The following KCTD2 variants were observed in gnomAD, a reference collection of about 807,000 sequenced individuals.
KCTD2 encodes the protein potassium channel tetramerization domain containing 2, also known as BTB/POZ domain-containing protein KCTD2.
In KCTD2, 18 loss-of-function variants were observed where a neutral mutation model predicts 27.9. That is an observed-to-expected ratio of 0.64 (90% CI 0.45 to 0.96). The LOEUF is 0.96. KCTD2 is among the 40% of genes least tolerant of loss of function. The pLI is 0.00. For missense variants in KCTD2, 280 were observed against 348.0 expected, an observed-to-expected ratio of 0.80 and a Z score of 1.56; for synonymous variants, 175 against 148.4, an observed-to-expected ratio of 1.18 and a Z score of -1.30.
intron 3 of KCTD2, among the ~76,000 whole-genome samples, chr17:75,035,568 C>T (rs1311384160): frequency 7.2e-6 from 1 of 138,706 alleles, no homozygotes. Context: ...CGCCTGTAAT[C>T]CCAACACTTT....
chr17:75,045,790 C>A (rs1364569803), upstream of KCTD2, among the ~76,000 whole-genome samples: 2 of 152,034 alleles, frequency 1.3e-5, no homozygotes, highest in African/African-American at 4.8e-5. Context: ...GGTCCTGGAA[C>A]GATATACATC....
At chr17:75,051,543 C>T (rs1220082160) in intron 2 of KCTD2, among the ~76,000 whole-genome samples, 1 of 151,080 alleles carries the variant, frequency 6.6e-6, no homozygotes. Flanking sequence ...CTTGGCCTCC[C>T]GAAATGCTGC....
At position 75,065,487 on chromosome 17, in the gene KCTD2, T is replaced by C. The variant is rs1234464487; in HGVS notation, c.*2440T>C. 1.3e-5 allele frequency: 2 copies of C among 152,466 alleles called. No individual in the cohort carries two copies. The allele number at this position is 152,466 out of a possible 1,614,324, so 9.4% of individuals were successfully genotyped here. ...TGCCAAGTGGGGAGGGTCCTGCCTT[T>C]TTCTCTGCCCCAGGTCTGGGACGCA... On this transcript the variant is annotated 3_prime_UTR_variant, in exon 6 of 6. Transcript: ENST00000322444.
intron 2 of KCTD2, among the ~76,000 whole-genome samples, chr17:75,052,647 C>G (rs780990418): frequency 5.9e-5 from 9 of 152,210 alleles, no homozygotes; most frequent in Non-Finnish European, 1.3e-4. Flanking sequence ...CTCTTGAACC[C>G]AGCAGGCGGA....
chr17:75,042,410 G>C, upstream of KCTD2: 2 of 1,506,466 alleles, frequency 1.3e-6, no homozygotes. Flanking sequence ...TCATGAAAAT[G>C]CAAGGATTTC....
rs1478410232 is a variant in KCTD2 at position 75,047,243 on chromosome 17, G to A, written c.-8G>A. The A allele has an allele frequency of 1.1e-6, 1 of 933,806 alleles. No homozygotes were observed. 57.8% of individuals were successfully genotyped at this position (933,806 alleles called of 1,614,324 possible). On this transcript the variant is annotated 5_prime_UTR_variant, in exon 1 of 6. Coordinates refer to ENST00000322444, the MANE Select transcript of KCTD2 (RefSeq NM_015353.3). The stretch of plus-strand genomic sequence containing the variant: ...CGCGGGCAGCAGCGGTGGCGGCGGC[G>A]GTCCAAGATGGCGGAACTGCAGCTG...
Position 75,059,555 on chromosome 17 carries a change from G to A in KCTD2, c.586G>A (p.Glu196Lys). ...VYRVLQCQEE[E>K]LTQMVSTMSD... is the part of the protein sequence containing the mutation. The stretch of plus-strand genomic sequence containing the variant: ...CAGAGTCCTGCAGTGTCAGGAAGAA[G>A]AGCTCACGCAGATGGTGTCCACGAT... Residue 196 changes from glutamate to lysine, a missense_variant, in exon 4 of 6, where the codon GAG (glutamate) becomes AAG (lysine). Coordinates refer to ENST00000322444, the MANE Select transcript of KCTD2 (RefSeq NM_015353.3). The A allele has an allele frequency of 1.2e-6, 2 of 1,614,180 alleles. No individual in the cohort carries two copies. The highest frequency in any genetic ancestry group is 1.7e-6 in the Non-Finnish European group (2 of 1,180,018).
At chr17:75,047,046 T>G (rs1054480745), upstream of KCTD2, 3 of 254,158 alleles carry the variant, frequency 1.2e-5, no homozygotes, top group African/African-American at 6.9e-5. Flanking sequence ...GATCAGCCAA[T>G]AGAGATGAGG....
intron 2 of KCTD2, 29 bp from the exon 3 acceptor site, chr17:75,052,985 A>C: frequency 6.4e-7 from 1 of 1,572,024 alleles, no homozygotes; most frequent in Non-Finnish European, 8.8e-7. Flanking sequence ...CCTCGCACCT[A>C]TCTGACTGCA....
At chr17:75,037,899 A>G (rs2073119447) in intron 3 of KCTD2, among the ~76,000 whole-genome samples, 1 of 151,620 alleles carries the variant, frequency 6.6e-6, no homozygotes, top group Admixed American at 6.6e-5. Context: ...AATAAAACAA[A>G]TTAGCCGGGC....
At chr17:75,041,458 A>C (rs1227416714) in intron 3 of KCTD2, 3 of 151,594 alleles carry the variant, frequency 2.0e-5, no homozygotes, top group East Asian at 1.9e-4. Context: ...AAAAAAAAAA[A>C]AAAAACAAAA....
At chr17:75,041,015 A>G (rs2073154484) in intron 3 of KCTD2, 1 of 152,280 alleles carries the variant, frequency 6.6e-6, no homozygotes, top group African/African-American at 2.4e-5. Context: ...ACTTGTGTAA[A>G]TATCAGAGGA....
chr17:75,037,326 A>C (rs1193280217), intron 3 of KCTD2, among the ~76,000 whole-genome samples: 1 of 150,600 alleles, frequency 6.6e-6, no homozygotes, highest in Non-Finnish European at 1.5e-5. Flanking sequence ...CCTGGGCGAC[A>C]AAGCAAGATT....
At chr17:75,057,233 C>T (rs761035012) in intron 3 of KCTD2, among the ~76,000 whole-genome samples, 10 of 152,060 alleles carry the variant, frequency 6.6e-5, no homozygotes, top group African/African-American at 1.7e-4. Flanking sequence ...GGATTACAGG[C>T]GTGAGCAACC....
chr17:75,035,163 G>A (rs1429402468), intron 2 of KCTD2: 3 of 152,104 alleles, frequency 2.0e-5, no homozygotes, highest in African/African-American at 2.4e-5. Context: ...AGAAGATTGA[G>A]GGTTCGAGTC....
chr17:75,042,128 C>G, intron 3 of KCTD2: 2 of 1,490,666 alleles, frequency 1.3e-6, no homozygotes, highest in African/African-American at 1.4e-5. Flanking sequence ...TGTTCCTGCT[C>G]CCTACCCACA....
chr17:75,052,191 G>C (rs951799077), intron 2 of KCTD2, among the ~76,000 whole-genome samples: 3 of 152,190 alleles, frequency 2.0e-5, no homozygotes, highest in African/African-American at 7.2e-5. Context: ...ACATACCCTG[G>C]CGTTTGACTA....
chr17:75,052,035 T>C (rs191654751), intron 2 of KCTD2, among the ~76,000 whole-genome samples: 7 of 152,190 alleles, frequency 4.6e-5, no homozygotes, highest in East Asian at 3.9e-4. Context: ...CCCAGTCCTT[T>C]TGAGGGCAGA....
chr17:75,033,809 C>G (rs1453597871), intron 1 of KCTD2, among the ~76,000 whole-genome samples: 1 of 152,214 alleles, frequency 6.6e-6, no homozygotes, highest in Non-Finnish European at 1.5e-5. Flanking sequence ...GCGGCAGGGA[C>G]GGACCCACTC....
Sources: allele counts gnomAD v4.1 joint callset (sites outside exome capture counted in the v4.1 genomes callset), GRCh38; gene constraint gnomAD v4.1.1; transcripts MANE v1.5; gene names NCBI Gene and HGNC (gene_info 2026-07-23, HGNC 2026-07-21).